KLHL5: variants seen among roughly 807,000 people sequenced by gnomAD.
KLHL5 encodes kelch-like protein 5.
Under a neutral mutation model 77.7 loss-of-function variants are expected in KLHL5, and 48 were observed. That is an observed-to-expected ratio of 0.62 (90% CI 0.49 to 0.79). The LOEUF (loss-of-function observed/expected upper bound fraction) is 0.79. Ranked by LOEUF, KLHL5 falls within the 30% of genes least tolerant of loss-of-function variation. The pLI is 0.00. For missense variants in KLHL5, 723 were observed against 859.7 expected, an observed-to-expected ratio of 0.84 and a Z score of 1.99; for synonymous variants, 260 against 297.0, an observed-to-expected ratio of 0.88 and a Z score of 1.28.
At chr4:39,105,737 TAC>T (rs10536180) in intron 7 of KLHL5, among the ~76,000 whole-genome samples, 20,727 of 146,502 alleles carry the variant, frequency 0.14, 1,675 homozygotes, top group Middle Eastern at 0.23. Context: ...TATATATGTA[TAC>T]ACACACACAC....
downstream of KLHL5, among the ~76,000 whole-genome samples, chr4:39,128,742 C>T (rs547134053): frequency 1.3e-5 from 2 of 152,166 alleles, no homozygotes; most frequent in East Asian, 3.9e-4. Flanking sequence ...GCAGGAGGAT[C>T]ACTTGAGGCC....
chr4:39,069,386 T>G (rs1718191144), intron 1 of KLHL5, among the ~76,000 whole-genome samples: 1 of 148,202 alleles, frequency 6.7e-6, no homozygotes, highest in African/African-American at 2.5e-5. Flanking sequence ...CTCTTCAGAG[T>G]TCTTTGGATC....
At chr4:39,084,888 T>A (rs1328733459) in intron 4 of KLHL5, among the ~76,000 whole-genome samples, 1 of 152,196 alleles carries the variant, frequency 6.6e-6, no homozygotes, top group African/African-American at 2.4e-5. Flanking sequence ...GATCTTTGTC[T>A]TTGAAATTTT....
intron 1 of KLHL5, among the ~76,000 whole-genome samples, chr4:39,055,968 A>C (rs912518963): frequency 1.3e-5 from 2 of 152,112 alleles, no homozygotes; most frequent in Non-Finnish European, 2.9e-5. Context: ...TTTATTTAGG[A>C]TACACAAAGA....
rs202114333 is a variant in KLHL5, at chr4:39,082,014, G to A, written c.755G>A (p.Cys252Tyr). 3.5e-5 allele frequency: 56 copies of A among 1,612,682 alleles called. No individual in the cohort carries two copies. Among genetic ancestry groups the A allele is most frequent in the Admixed American group, 6.7e-5 (4 of 59,624 alleles). ...ATTGAGTGCCTGTTATCTACAGCTT[G>A]CCTTCTTCAGCTTTCACAGGTTGTA... ...DNIECLLSTA[C>Y]LLQLSQVVEA... Residue 252 changes from cysteine to tyrosine, a missense_variant, in exon 4 of 11, where the codon TGC becomes TAC. Cys to Tyr is a radical substitution (Grantham distance 194). This residue lies in a region of KLHL5 where 288 missense variants were observed against 400.3 expected (regional missense o/e 0.72). Transcript: ENST00000504108.
chr4:39,077,319 G>A (rs192533521), intron 2 of KLHL5, among the ~76,000 whole-genome samples: 6 of 151,900 alleles, frequency 3.9e-5, no homozygotes, highest in African/African-American at 1.5e-4. Context: ...AAAATTAGCC[G>A]GGCATGGTGG....
chr4:39,129,791 T>C (rs1723727518), downstream of KLHL5, among the ~76,000 whole-genome samples: 1 of 152,234 alleles, frequency 6.6e-6, no homozygotes, highest in Admixed American at 6.5e-5. The surrounding 1 kb of genome is among the most constrained non-coding windows in gnomAD (Gnocchi z 4.2). Flanking sequence ...TTGCATTACA[T>C]AAATCCTTCA....
At chr4:39,086,904 C>CTTTTTTTTTTTTT (rs71643263) in intron 5 of KLHL5, among the ~76,000 whole-genome samples, 177 bp downstream of exon 5, 1 of 78,346 alleles carries the variant, frequency 1.3e-5, no homozygotes, top group Non-Finnish European at 2.3e-5. Flanking sequence ...AAGTAACATT[C>CTTTTTTTTTTTTT]TTTTTTTTTT....
At position 39,062,747 on chromosome 4, in the gene KLHL5, T is replaced by C. The variant is rs1717545619; in HGVS notation, c.95T>C (p.Val32Ala). 6.2e-7 allele frequency: 1 copy of C among 1,614,126 alleles called. No individual in the cohort carries two copies. The highest frequency in any genetic ancestry group is 2.2e-5 in the East Asian group (1 of 44,878). Residue 32 changes from valine (V) to alanine (A), a missense_variant, in exon 1 of 11, where the codon GTT becomes GCT. Around this residue, in one of 3 missense-constraint regions of KLHL5, gnomAD observed 221 missense variants for 222.1 expected, o/e 1.00. Transcript: ENST00000504108. ...CAAGCATCATCTCCTAATTCTACAG[T>C]TGACAGCCAGCAGGGAGAATTTTGG... ...GHQASSPNST[V>A]DSQQGEFWNR... is the part of the protein sequence containing the mutation.
chr4:39,053,037 T>C (rs546555391), intron 1 of KLHL5, among the ~76,000 whole-genome samples: 1 of 152,342 alleles, frequency 6.6e-6, no homozygotes, highest in Non-Finnish European at 1.5e-5. Flanking sequence ...TTGGTGGCTT[T>C]TCTTTGGGTC....
chr4:39,131,656 C>T (rs1394817873), downstream of KLHL5, among the ~76,000 whole-genome samples: 1 of 151,896 alleles, frequency 6.6e-6, no homozygotes, highest in African/African-American at 2.4e-5. Flanking sequence ...TTTGGGAGGC[C>T]CAGGCAGGAT....
At chr4:39,069,535 CATATATAT>C (rs60163692) in intron 1 of KLHL5, among the ~76,000 whole-genome samples, 151 of 136,390 alleles carry the variant, frequency 1.1e-3, no homozygotes, top group African/African-American at 1.3e-3. Flanking sequence ...ACTTTTTTAC[CATATATAT>C]ATATATATAT....
intron 10 of KLHL5, chr4:39,120,140 T>A (rs574636442): frequency 2.6e-5 from 4 of 152,328 alleles, no homozygotes. Flanking sequence ...CTTAGTACTT[T>A]GCATTACTCA....
chr4:39,134,853 G>A, the KLHL5 span, among the ~76,000 whole-genome samples: 1 of 152,190 alleles, frequency 6.6e-6, no homozygotes, highest in Non-Finnish European at 1.5e-5. Flanking sequence ...GTCATGAATG[G>A]AAATGAGAGC....
At chr4:39,076,713 C>T (rs1376957212) in intron 2 of KLHL5, among the ~76,000 whole-genome samples, 1 of 147,432 alleles carries the variant, frequency 6.8e-6, no homozygotes, top group Non-Finnish European at 1.5e-5. Flanking sequence ...TTCAGTTGTT[C>T]ATTGTTAATC....
At chr4:39,132,007 G>A in the KLHL5 span, among the ~76,000 whole-genome samples, 47 of 152,216 alleles carry the variant, frequency 3.1e-4, no homozygotes, top group African/African-American at 1.1e-3. Flanking sequence ...ATTCCCCTTC[G>A]GTTCTGTCGA....
the KLHL5 span, among the ~76,000 whole-genome samples, chr4:39,141,611 T>C: frequency 2.0e-5 from 3 of 151,986 alleles, no homozygotes; most frequent in African/African-American, 7.3e-5. Context: ...GAGCCCGGCC[T>C]ATTTTTTAGT....
At chr4:39,077,643 T>G (rs1719186016) in intron 2 of KLHL5, among the ~76,000 whole-genome samples, 2 of 148,742 alleles carry the variant, frequency 1.3e-5, no homozygotes, top group South Asian at 4.2e-4. Context: ...GAATGCAAAC[T>G]AGTGCAAACA....
At position 39,122,637 on chromosome 4, in the gene KLHL5, C is replaced by T. The variant is rs1469401331; in HGVS notation, c.*1571C>T. On this transcript the variant is annotated 3_prime_UTR_variant, in exon 11 of 11. Transcript: ENST00000504108. The stretch of plus-strand genomic sequence containing the variant: ...TGGCTAACACAGTGAAACCCCGTCT[C>T]TACTAAAAATAAAAAATAAAAAAAA... Among the ~76,000 whole-genome samples, 4 of 151,862 alleles carry T rather than the reference C, an allele frequency of 2.6e-5. No individual in the cohort carries two copies. Among genetic ancestry groups the T allele is most frequent in the African/African-American group, 9.7e-5 (4 of 41,318 alleles).
Sources: gnomAD v4.1 joint callset for allele counts (sites outside exome capture counted in the v4.1 genomes callset) on GRCh38, gnomAD v4.1.1 for gene constraint, gnomAD v4.1.1 regional missense constraint, Gnocchi (gnomAD v3.1) non-coding constraint, MANE v1.5 for transcripts, NCBI Gene and HGNC (gene_info 2026-07-23, HGNC 2026-07-21) for gene names.